The following SLC1A6 variants were observed in gnomAD, a reference collection of about 807,000 sequenced individuals.
SLC1A6 encodes excitatory amino acid transporter 4.
Under a neutral mutation model 42.1 loss-of-function variants are expected in SLC1A6, and 15 were observed. That is an observed-to-expected ratio of 0.36 (90% CI 0.24 to 0.55). The LOEUF (loss-of-function observed/expected upper bound fraction) is 0.55, where lower values mean the gene tolerates loss of function less well. SLC1A6 is among the 20% of genes least tolerant of loss of function. SLC1A6 has a pLI of 0.88. For synonymous variants in SLC1A6, 317 were observed against 319.7 expected, an observed-to-expected ratio of 0.99 and a Z score of 0.09; for missense variants, 542 against 772.5, an observed-to-expected ratio of 0.70 and a Z score of 3.54.
chr19:14,995,328 A>G (rs866421508), intron 1 of SLC1A6, among the ~76,000 whole-genome samples: 2 of 25,372 alleles, frequency 7.9e-5, no homozygotes, highest in Non-Finnish European at 8.9e-5. Flanking sequence ...TCCATCTCCA[A>G]AAAAAAAAAA....
chr19:14,997,336 T>C (rs552140775), intron 1 of SLC1A6, among the ~76,000 whole-genome samples: 1 of 152,304 alleles, frequency 6.6e-6, no homozygotes, highest in Non-Finnish European at 1.5e-5. Flanking sequence ...CGTGTCTCTC[T>C]AAAATGTATA....
chr19:15,007,584 T>G (rs985498785), intron 1 of SLC1A6, among the ~76,000 whole-genome samples: 1 of 152,084 alleles, frequency 6.6e-6, no homozygotes, highest in Non-Finnish European at 1.5e-5. Context: ...GATCATAGCA[T>G]GTGATTGATT....
In SLC1A6 at chr19:14,954,293, C is replaced by G; in HGVS notation, c.1206G>C (p.Glu402Asp). The G allele has an allele frequency of 6.2e-7, 1 of 1,611,898 alleles. No homozygotes were observed. The highest frequency in any genetic ancestry group is 8.5e-7 in the Non-Finnish European group (1 of 1,180,006). ...TGCGGCGGTCCACACCCAGGCCCTC[C>G]TCCAGGCAGCGGAAGGTGATGGGCA... is the stretch of plus-strand genomic sequence containing the variant. ...ATLPITFRCL[E>D]EGLGVDRRIT... Residue 402 changes from glutamate (E) to aspartate (D), a missense_variant, in exon 8 of 10, where the codon GAG becomes GAC. This residue lies in a region of SLC1A6 where 298 missense variants were observed against 419.4 expected (regional missense o/e 0.71). Transcript: ENST00000594383.
At chr19:14,970,149 C>T (rs1480769161) in intron 3 of SLC1A6, among the ~76,000 whole-genome samples, 3 of 152,116 alleles carry the variant, frequency 2.0e-5, no homozygotes, top group Non-Finnish European at 2.9e-5. Flanking sequence ...CATCACAGCT[C>T]GCTGCAGCCT....
At chr19:14,991,316 A>T (rs2045818744) in intron 1 of SLC1A6, among the ~76,000 whole-genome samples, 1 of 152,084 alleles carries the variant, frequency 6.6e-6, no homozygotes, top group Non-Finnish European at 1.5e-5. Context: ...GGACACTGGG[A>T]ATTGTACTCT....
intron 3 of SLC1A6, among the ~76,000 whole-genome samples, chr19:14,970,584 G>A (rs2045628108): frequency 6.6e-6 from 1 of 151,844 alleles, no homozygotes. Context: ...GGTGGCGGGT[G>A]CCTGTAGTTC....
At position 14,971,882 on chromosome 19, in the gene SLC1A6, C is replaced by A; in HGVS notation, c.206-8G>T. On this transcript the variant is annotated splice_polypyrimidine_tract_variant and splice_region_variant and intron_variant, in intron 2 of 9. Coordinates refer to ENST00000594383, the MANE Select transcript of SLC1A6 (RefSeq NM_005071.3). ...CAAAGGCCAGGCTGACCCCTAGGGC[C>A]AAAAGAAGGGGTCCATGGACTGAAG... 1.9e-6 allele frequency: 3 copies of A among 1,613,720 alleles called. No homozygotes were observed. The highest frequency in any genetic ancestry group is 2.5e-6 in the Non-Finnish European group (3 of 1,179,860).
At chr19:14,971,188 C>G (rs2045636224) in intron 3 of SLC1A6, among the ~76,000 whole-genome samples, 1 of 152,156 alleles carries the variant, frequency 6.6e-6, no homozygotes, top group African/African-American at 2.4e-5. Flanking sequence ...GTTGGTGCCC[C>G]TAACACCCAA....
In SLC1A6 at chr19:14,956,507, C is replaced by T. The variant is rs754721674; in HGVS notation, c.1138G>A (p.Ala380Thr). Residue 380 changes from alanine to threonine, a missense_variant, in exon 7 of 10, where the codon GCC becomes ACC. Coordinates refer to ENST00000594383, the MANE Select transcript of SLC1A6 (RefSeq NM_005071.3). Reference protein sequence around the residue: ...PFPFIGGMLQALITAMGTSSS... With the variant: ...PFPFIGGMLQTLITAMGTSSS... Reference sequence around the variant, plus strand: ...GACGTGCCCATAGCGGTGATGAGGGCTTGTAGCATGCCCCCAATGAAGGGG... The same window carrying T: ...GACGTGCCCATAGCGGTGATGAGGGTTTGTAGCATGCCCCCAATGAAGGGG... The T allele has an allele frequency of 6.9e-6, 11 of 1,603,022 alleles. No individual in the cohort carries two copies. In the Admixed American group the frequency reaches 1.3e-4, roughly 20 times the overall value.
At chr19:14,976,111 G>A (rs1192637301) in intron 1 of SLC1A6, among the ~76,000 whole-genome samples, 10 of 151,986 alleles carry the variant, frequency 6.6e-5, no homozygotes, top group Admixed American at 6.6e-4. Context: ...CTACCCAGTG[G>A]AAAGGACAAC....
chr19:14,972,792 C>A lies in SLC1A6; in HGVS notation c.119G>T (p.Arg40Leu), dbSNP rs540964903. 2.5e-6 allele frequency: 4 copies of A among 1,613,482 alleles called. No homozygotes were observed. The highest frequency in any genetic ancestry group is 2.7e-5 in the African/African-American group (2 of 75,046). Residue 40 changes from arginine to leucine, a missense_variant, in exon 2 of 10, where the codon CGC becomes CTC. Physicochemically the swap from Arg to Leu is moderately radical, Grantham distance 102. This residue lies in a region of SLC1A6 where 88 missense variants were observed against 85.5 expected (regional missense o/e 1.03). Coordinates refer to ENST00000594383, the MANE Select transcript of SLC1A6 (RefSeq NM_005071.3). ...GTGCTCGAGGGTCATGGTCTGCAGG[C>A]GCAGGCGCGTGCGCAGTGCTCTCTG... ...LQQRALRTRL[R>L]LQTMTLEHVL...
chr19:14,995,456 T>TCAAAGGATGC (rs1279407247), intron 1 of SLC1A6, among the ~76,000 whole-genome samples: 4 of 151,544 alleles, frequency 2.6e-5, no homozygotes, highest in Non-Finnish European at 4.4e-5. Flanking sequence ...GAGATGTTGG[T>TCAAAGGATGC]CAAAGGATGC....
At chr19:15,001,280 A>G (rs527852206) in intron 1 of SLC1A6, among the ~76,000 whole-genome samples, 69 of 152,272 alleles carry the variant, frequency 4.5e-4, no homozygotes, top group African/African-American at 1.6e-3. Context: ...AAGAGCTACG[A>G]GGGGAGGAGG....
At chr19:14,960,939 T>TC (rs1039556156) in intron 6 of SLC1A6, among the ~76,000 whole-genome samples, 1 of 151,332 alleles carries the variant, frequency 6.6e-6, no homozygotes, top group African/African-American at 2.4e-5. Context: ...CCTTTTTTTT[T>TC]TTTTTTGAGA....
intron 2 of SLC1A6, 141 bp from the exon 3 acceptor site, chr19:14,972,015 CTGA>C (rs1472623730): frequency 2.8e-6 from 2 of 719,060 alleles, no homozygotes; most frequent in Non-Finnish European, 4.6e-6. Context: ...TGTGTGTGCA[CTGA>C]TGTGTGCAGA....
Position 14,964,966 on chromosome 19 carries a change from C to T in SLC1A6, c.549-605G>A, listed in dbSNP as rs752716596. Reference sequence around the variant, plus strand: ...ATGTGGGGGAAAGGGGACACTTACACACTGCTGGTGGGGATGTAAATTAGT... The same window carrying T: ...ATGTGGGGGAAAGGGGACACTTACATACTGCTGGTGGGGATGTAAATTAGT... On this transcript the variant is annotated intron_variant, in intron 4 of 9. Coordinates refer to ENST00000594383, the MANE Select transcript of SLC1A6 (RefSeq NM_005071.3). 6.4e-4 allele frequency among the ~76,000 whole-genome samples: 97 copies of T among 151,970 alleles called. 1 individual carries two copies. The highest frequency in any genetic ancestry group is 3.4e-3 in the Middle Eastern group (1 of 292).
At chr19:14,975,281 AAG>A (rs1395803799) in intron 1 of SLC1A6, 1 of 15,940 alleles carries the variant, frequency 6.3e-5, no homozygotes, top group Non-Finnish European at 1.2e-4. Context: ...ATTTTCCAAA[AAG>A]CCAGTAGAGA....
At chr19:15,009,313 A>G (rs1262830073) in intron 1 of SLC1A6, among the ~76,000 whole-genome samples, 1 of 152,046 alleles carries the variant, frequency 6.6e-6, no homozygotes, top group African/African-American at 2.4e-5. Context: ...TAACATATAT[A>G]TCACATAGAT....
At chr19:14,961,112 GC>G (rs780352028) in intron 6 of SLC1A6, among the ~76,000 whole-genome samples, 63 of 151,458 alleles carry the variant, frequency 4.2e-4, no homozygotes, top group Non-Finnish European at 5.9e-4. Context: ...TTGTCATGTT[GC>G]CCAGGCTGGT....
Sources: allele counts gnomAD v4.1 joint callset (sites outside exome capture counted in the v4.1 genomes callset), GRCh38; gene constraint gnomAD v4.1.1; regional missense constraint gnomAD v4.1.1; transcripts MANE v1.5; gene names NCBI Gene and HGNC (gene_info 2026-07-23, HGNC 2026-07-21).